Variants in EYS observed in about 807,000 individuals in gnomAD.
The protein encoded by EYS is protein eyes shut homolog.
A neutral mutation model predicts 282.1 loss-of-function variants in EYS; 250 were observed. The observed-to-expected ratio is 0.89, with a 90% confidence interval of 0.80 to 0.98. EYS has a LOEUF of 0.98. EYS is among the 50% of genes least tolerant of loss of function. The probability of loss-of-function intolerance (pLI) is 0.00; values close to 1 mark genes in which losing one functional copy is unlikely to be tolerated. For synonymous variants in EYS, 1,355 were observed against 1,282.9 expected (o/e 1.06, Z -1.20); for missense variants, 4,016 against 3,709.0 (o/e 1.08, Z -2.15).
At chr6:64,990,466 A>C (rs894411725) in intron 14 of EYS, among the ~76,000 whole-genome samples, 1 of 151,666 alleles carries the variant, frequency 6.6e-6, no homozygotes, top group Non-Finnish European at 1.5e-5. Context: ...GGTAAAGTGC[A>C]GTGTTTGTTT....
chr6:65,584,975 G>C (rs1352324372), intron 2 of EYS, among the ~76,000 whole-genome samples: 1 of 150,940 alleles, frequency 6.6e-6, no homozygotes, highest in African/African-American at 2.4e-5. Context: ...GTACAATTTT[G>C]TTCAAACTGT....
At chr6:64,574,944 C>A (rs1765833848) in intron 26 of EYS, among the ~76,000 whole-genome samples, 1 of 152,014 alleles carries the variant, frequency 6.6e-6, no homozygotes, top group South Asian at 2.1e-4. Context: ...AACTTTATTT[C>A]CTTCTATTAC....
intron 22 of EYS, among the ~76,000 whole-genome samples, chr6:64,645,155 G>A (rs143469094): frequency 1.5e-3 from 227 of 152,206 alleles, no homozygotes; most frequent in African/African-American, 5.2e-3. Flanking sequence ...GAAAGTTTTA[G>A]GTATATCTCA....
chr6:64,358,031 G>A (rs1202018840), intron 29 of EYS, among the ~76,000 whole-genome samples: 1 of 151,674 alleles, frequency 6.6e-6, no homozygotes, highest in Non-Finnish European at 1.5e-5. Context: ...TGGGAGCCAT[G>A]TCTTTTGGTG....
At chr6:65,099,624 A>ATTT (rs1774837669) in intron 12 of EYS, among the ~76,000 whole-genome samples, 1 of 150,694 alleles carries the variant, frequency 6.6e-6, no homozygotes, top group South Asian at 2.1e-4. Context: ...AGCTAATATA[A>ATTT]CTGATGGAAT....
chr6:64,825,904 C>CATATAT (rs71860908), intron 19 of EYS, among the ~76,000 whole-genome samples: 41 of 147,634 alleles, frequency 2.8e-4, no homozygotes, highest in South Asian at 8.5e-4. Context: ...ATAAAGTGCA[C>CATATAT]ATATATATAT....
chr6:63,912,558 T>C (rs1314708215), intron 35 of EYS, among the ~76,000 whole-genome samples: 1 of 152,206 alleles, frequency 6.6e-6, no homozygotes, highest in African/African-American at 2.4e-5. Flanking sequence ...AAAATTCAAA[T>C]GCTTAATAGT....
At chr6:65,472,036 C>T (rs1364850489) in intron 5 of EYS, among the ~76,000 whole-genome samples, 1 of 152,058 alleles carries the variant, frequency 6.6e-6, no homozygotes, top group Non-Finnish European at 1.5e-5. Context: ...TCATATTACT[C>T]AGTGCCTGAA....
At chr6:65,066,060 G>A (rs998581769) in intron 12 of EYS, among the ~76,000 whole-genome samples, 1 of 152,084 alleles carries the variant, frequency 6.6e-6, no homozygotes, top group Non-Finnish European at 1.5e-5. Flanking sequence ...AAGAGGCTAG[G>A]GACATCATTG....
chr6:64,583,051 T>A (rs1467628231), intron 26 of EYS, among the ~76,000 whole-genome samples: 1 of 152,238 alleles, frequency 6.6e-6, no homozygotes, highest in South Asian at 2.1e-4. Context: ...CATTATATAT[T>A]GTTACAAAAG....
At chr6:65,574,897 G>T (rs1755413151) in intron 2 of EYS, among the ~76,000 whole-genome samples, 1 of 152,100 alleles carries the variant, frequency 6.6e-6, no homozygotes, top group South Asian at 2.1e-4. Flanking sequence ...AATTTAAGAA[G>T]ATTGAAATCA....
chr6:65,591,562 A>G (rs1765234555), intron 2 of EYS, among the ~76,000 whole-genome samples: 1 of 151,918 alleles, frequency 6.6e-6, no homozygotes, highest in South Asian at 2.1e-4. Context: ...TTTTTAGACT[A>G]AATCTCTGAC....
intron 12 of EYS, among the ~76,000 whole-genome samples, chr6:65,269,157 G>A (rs1444030008): frequency 2.0e-5 from 3 of 152,048 alleles, no homozygotes; most frequent in Non-Finnish European, 4.4e-5. Flanking sequence ...TTCAAATATA[G>A]TTTCTAGTCA....
At chr6:64,496,992 A>C (rs1776909411) in intron 26 of EYS, among the ~76,000 whole-genome samples, 1 of 152,052 alleles carries the variant, frequency 6.6e-6, no homozygotes, top group South Asian at 2.1e-4. Flanking sequence ...TTATTATCCT[A>C]ATATTGTGAT....
At chr6:65,315,142 T>C (rs1769265514) in intron 11 of EYS, among the ~76,000 whole-genome samples, 2 of 152,118 alleles carry the variant, frequency 1.3e-5, no homozygotes, top group Non-Finnish European at 2.9e-5. Context: ...GCTGAGTAGT[T>C]TACTGCATGT....
intron 12 of EYS, among the ~76,000 whole-genome samples, chr6:65,260,944 T>A (rs1283999017): frequency 6.6e-6 from 1 of 152,108 alleles, no homozygotes; most frequent in Non-Finnish European, 1.5e-5. Context: ...AATATTACAC[T>A]TCTATTTACT....
chr6:64,475,378 C>T (rs1776229816), intron 26 of EYS, among the ~76,000 whole-genome samples: 1 of 123,906 alleles, frequency 8.1e-6, no homozygotes, highest in Non-Finnish European at 1.8e-5. Context: ...GGTGAAACCC[C>T]GTCTCTACTA....
chr6:64,968,038 G>A lies in EYS; in HGVS notation c.2260-22124C>T, dbSNP rs370401609. ...TAGTTAAATGAATGAGGCCTTCAGAGGCAAGTGAAATGAACTAGTGCCCAC... is the reference window on the plus strand; with the variant it reads ...TAGTTAAATGAATGAGGCCTTCAGAAGCAAGTGAAATGAACTAGTGCCCAC... On this transcript the variant is annotated intron_variant, in intron 14 of 42. Transcript: ENST00000503581. Among the ~76,000 whole-genome samples, 14 of 152,246 alleles carry A rather than the reference G, an allele frequency of 9.2e-5. No homozygotes were observed. In the East Asian group the frequency reaches 1.5e-3, roughly 17 times the overall value.
At chr6:64,061,299 A>G (rs943447130) in intron 33 of EYS, among the ~76,000 whole-genome samples, 11 of 152,220 alleles carry the variant, frequency 7.2e-5, no homozygotes, top group Non-Finnish European at 1.3e-4. Flanking sequence ...TCAGAAACTT[A>G]AAAAAGTGTA....
Sources: gnomAD v4.1 joint callset for allele counts (sites outside exome capture counted in the v4.1 genomes callset) on GRCh38, gnomAD v4.1.1 for gene constraint, MANE v1.5 for transcripts, NCBI Gene and HGNC (gene_info 2026-07-23, HGNC 2026-07-21) for gene names.